CBR4: variants seen among roughly 807,000 people sequenced by gnomAD.
The protein encoded by CBR4 is carbonyl reductase 4.
In CBR4, 22 loss-of-function variants were observed where a neutral mutation model predicts 21.0. The ratio of observed to expected loss-of-function variants is 1.05; its 90% CI spans 0.75 to 1.50. CBR4 has a LOEUF of 1.50. Among genes scored for constraint, CBR4 ranks in the 40% most tolerant of loss-of-function variants. The probability of loss-of-function intolerance (pLI) is 0.00; values close to 1 mark genes in which losing one functional copy is unlikely to be tolerated. For missense variants in CBR4, 302 were observed against 286.3 expected (o/e 1.05, Z -0.40); for synonymous variants, 100 against 104.4 (o/e 0.96, Z 0.26).
At chr4:168,915,574 T>C (rs1759921973) in intron 2 of CBR4, among the ~76,000 whole-genome samples, 1 of 152,182 alleles carries the variant, frequency 6.6e-6, no homozygotes, top group East Asian at 1.9e-4. Flanking sequence ...GATTTGGTAA[T>C]AAATGAGCAA....
intron 2 of CBR4, among the ~76,000 whole-genome samples, chr4:168,978,703 C>T (rs1325032943): frequency 3.3e-5 from 5 of 152,158 alleles, no homozygotes; most frequent in African/African-American, 7.2e-5. Flanking sequence ...GTCTTGGAAC[C>T]GTGAGCACTC....
At chr4:168,945,904 C>T (rs1763384407) in intron 2 of CBR4, among the ~76,000 whole-genome samples, 1 of 152,110 alleles carries the variant, frequency 6.6e-6, no homozygotes, top group Non-Finnish European at 1.5e-5. Flanking sequence ...CACTAACTTA[C>T]AGCAGACCCG....
At chr4:168,951,303 C>T (rs552015372) in intron 2 of CBR4, among the ~76,000 whole-genome samples, 11 of 152,220 alleles carry the variant, frequency 7.2e-5, no homozygotes, top group East Asian at 3.9e-4. Context: ...GTGATCCACC[C>T]GCCTCGGCCT....
chr4:168,900,812 C>T (rs894924403), intron 2 of CBR4, among the ~76,000 whole-genome samples: 5 of 152,150 alleles, frequency 3.3e-5, no homozygotes, highest in African/African-American at 1.2e-4. Flanking sequence ...TGTTATCAAA[C>T]GCATGTATTA....
intron 2 of CBR4, chr4:168,924,148 T>C: frequency 1.0e-6 from 1 of 960,822 alleles, no homozygotes; most frequent in Admixed American, 2.0e-5. Flanking sequence ...GAGTAAAAAA[T>C]GGTATCATAA....
At chr4:169,003,943 T>G (rs1185050558) in intron 3 of CBR4, among the ~76,000 whole-genome samples, 2 of 151,512 alleles carry the variant, frequency 1.3e-5, no homozygotes, top group East Asian at 1.9e-4. Flanking sequence ...TGGGGACTGT[T>G]GTGGGGTGGG....
intron 2 of CBR4, chr4:168,921,505 A>G (rs571414799): frequency 6.7e-7 from 1 of 1,489,018 alleles, no homozygotes; most frequent in African/African-American, 1.4e-5. Flanking sequence ...TTAATACAAA[A>G]ATTTACATGT....
chr4:168,901,357 G>A (rs953965360), intron 2 of CBR4, among the ~76,000 whole-genome samples: 2 of 152,180 alleles, frequency 1.3e-5, no homozygotes, highest in East Asian at 1.9e-4. Context: ...CCCTGTTCTC[G>A]TGCTTGTGCC....
chr4:168,896,100 C>T (rs1039088836), intron 2 of CBR4, among the ~76,000 whole-genome samples: 2 of 151,774 alleles, frequency 1.3e-5, no homozygotes, highest in Non-Finnish European at 2.9e-5. Context: ...GTCCCAGCTA[C>T]GCGGGAGGCT....
intron 2 of CBR4, among the ~76,000 whole-genome samples, chr4:168,976,787 G>A (rs1181431774): frequency 2.0e-5 from 3 of 152,242 alleles, no homozygotes; most frequent in African/African-American, 7.2e-5. Flanking sequence ...TTATCAGTTA[G>A]GGTGGGGCAG....
intron 2 of CBR4, among the ~76,000 whole-genome samples, chr4:168,971,028 G>T (rs920928374): frequency 6.6e-6 from 1 of 152,058 alleles, no homozygotes; most frequent in Non-Finnish European, 1.5e-5. Flanking sequence ...GTAGCTTTTG[G>T]TTCTTTAAAG....
chr4:168,952,868 A>G (rs970074782), intron 2 of CBR4, among the ~76,000 whole-genome samples: 1 of 152,056 alleles, frequency 6.6e-6, no homozygotes, highest in African/African-American at 2.4e-5. Context: ...TGGTGGTTTA[A>G]TGTTCTATTT....
At chr4:168,937,567 A>C (rs2126670384) in intron 2 of CBR4, among the ~76,000 whole-genome samples, 1 of 152,220 alleles carries the variant, frequency 6.6e-6, no homozygotes, top group Non-Finnish European at 1.5e-5. Flanking sequence ...CAGGAGACCC[A>C]TCTCACGTGC....
intron 2 of CBR4, among the ~76,000 whole-genome samples, chr4:168,895,537 G>A (rs1754943057): frequency 6.6e-6 from 1 of 152,202 alleles, no homozygotes. Flanking sequence ...CTTAAAGTAA[G>A]CTAGAGAAAA....
At chr4:168,915,408 A>C (rs1401314877) in intron 2 of CBR4, among the ~76,000 whole-genome samples, 3 of 152,234 alleles carry the variant, frequency 2.0e-5, no homozygotes, top group Non-Finnish European at 2.9e-5. Context: ...ATGGATAACT[A>C]ATGCAAAAGA....
Position 168,938,840 on chromosome 4 carries a change from G to C in CBR4, n.170-44075C>G, listed in dbSNP as rs148376568. Among the ~76,000 whole-genome samples the C allele has an allele frequency of 4.4e-3, 666 of 152,282 alleles. 4 individuals are homozygous for C. Among genetic ancestry groups the C allele is most frequent in the African/African-American group, 0.015 (638 of 41,560 alleles). On this transcript the variant is annotated intron_variant and non_coding_transcript_variant, in intron 2 of 3. Coordinates refer to the CBR4 transcript ENST00000509108. ...ACCAAAAAAAGTCCAGGACTAGACG[G>C]ATTCACAGCCAAATTCTACCAGAGG...
At position 168,989,252 on chromosome 4, in the gene CBR4, T is replaced by G. The variant is rs1764802682; in HGVS notation, c.*898A>C. 1 of 981,976 alleles carries G rather than the reference T, an allele frequency of 1.0e-6. No homozygotes were observed. The highest frequency in any genetic ancestry group is 1.2e-6 in the Non-Finnish European group (1 of 826,928). The allele number at this position is 981,976 out of a possible 1,614,324, so 60.8% of individuals were successfully genotyped here. Reference sequence around the variant, plus strand: ...ATTTCTCGTTTTTAAATATTAATAGTTCACTATTCTAAGTTTTTCATGAAT... The same window carrying G: ...ATTTCTCGTTTTTAAATATTAATAGGTCACTATTCTAAGTTTTTCATGAAT... On this transcript the variant is annotated 3_prime_UTR_variant, in exon 5 of 5. Transcript: ENST00000306193.
At chr4:168,900,213 A>G (rs1582011798) in intron 2 of CBR4, among the ~76,000 whole-genome samples, 1 of 151,954 alleles carries the variant, frequency 6.6e-6, no homozygotes, top group South Asian at 2.1e-4. Flanking sequence ...TGATCCCGTC[A>G]CCTCCCGCCA....
At chr4:168,971,751 C>T (rs577646644) in intron 2 of CBR4, among the ~76,000 whole-genome samples, 14 of 152,158 alleles carry the variant, frequency 9.2e-5, no homozygotes, top group East Asian at 7.7e-4. Context: ...GAGTTGTTTA[C>T]GCTGCTGATT....
Sources: allele counts gnomAD v4.1 joint callset (sites outside exome capture counted in the v4.1 genomes callset), GRCh38; gene constraint gnomAD v4.1.1; transcripts MANE v1.5; gene names NCBI Gene and HGNC (gene_info 2026-07-23, HGNC 2026-07-21).